CELF2: variants seen among roughly 807,000 people sequenced by gnomAD.
CELF2 encodes the protein CUGBP Elav-like family member 2.
A neutral mutation model predicts 62.6 loss-of-function variants in CELF2; 8 were observed. That is an observed-to-expected ratio of 0.13 (90% CI 0.07 to 0.23). The LOEUF (loss-of-function observed/expected upper bound fraction) is 0.23. CELF2 is among the 10% of genes least tolerant of loss of function. The pLI is 1.00. For synonymous variants in CELF2, 258 were observed against 250.0 expected (o/e 1.03, Z -0.30); for missense variants, 333 against 671.0 (o/e 0.50, Z 5.56).
Position 11,314,503 on chromosome 10 carries a change from T to G in CELF2, c.1096+245T>G. ...GTAGCACAGCGCGTGTGCTCATCCA[T>G]GGGGTTCTGTGGCTGGCAGCTCTTT... On this transcript the variant is annotated intron_variant, in intron 10 of 12. Transcript: ENST00000633077. The surrounding 1 kb of genome is among the most constrained non-coding windows in gnomAD (Gnocchi z 5.3). The G allele has an allele frequency of 1.8e-6, 1 of 541,722 alleles. No individual in the cohort carries two copies. The highest frequency in any genetic ancestry group is 3.4e-6 in the Non-Finnish European group (1 of 295,962). The allele number at this position is 541,722 out of a possible 1,614,324, so 33.6% of individuals were successfully genotyped here.
At chr10:10,749,313 CCTT>C in the CELF2 span, among the ~76,000 whole-genome samples, 5 of 152,202 alleles carry the variant, frequency 3.3e-5, no homozygotes, top group South Asian at 1.0e-3. Context: ...AGGCATATCA[CCTT>C]CTACTCCCTC....
chr10:11,131,519 A>G (rs1445776617), intron 1 of CELF2, among the ~76,000 whole-genome samples: 1 of 152,244 alleles, frequency 6.6e-6, no homozygotes, highest in African/African-American at 2.4e-5. Context: ...TGTAAGGTCC[A>G]AAGACACTAA....
the CELF2 span, among the ~76,000 whole-genome samples, chr10:10,513,822 GC>G: frequency 3.9e-5 from 6 of 152,190 alleles, no homozygotes; most frequent in African/African-American, 1.4e-4. Context: ...TGTTAGCAAA[GC>G]CTGGTTCCCT....
intron 1 of CELF2, chr10:11,030,670 T>C (rs938353379): frequency 7.9e-5 from 12 of 152,306 alleles, no homozygotes; most frequent in African/African-American, 2.9e-4. Flanking sequence ...GATTTTTTGG[T>C]GTAAACAGGT....
the CELF2 span, among the ~76,000 whole-genome samples, chr10:10,693,487 C>T: frequency 4.6e-5 from 7 of 151,880 alleles, no homozygotes; most frequent in Non-Finnish European, 1.0e-4. Context: ...TTGGCTGTGT[C>T]TCTGCCCGGC....
At chr10:10,533,330 T>A in the CELF2 span, among the ~76,000 whole-genome samples, 1 of 152,216 alleles carries the variant, frequency 6.6e-6, no homozygotes, top group Non-Finnish European at 1.5e-5. Context: ...TAGAGTCCAA[T>A]ATTCAGAGCA....
intron 1 of CELF2, among the ~76,000 whole-genome samples, chr10:10,877,515 A>C (rs964167154): frequency 4.6e-5 from 7 of 152,224 alleles, no homozygotes; most frequent in African/African-American, 1.7e-4. Flanking sequence ...AGAACATCAG[A>C]TATGCATTTA....
the CELF2 span, among the ~76,000 whole-genome samples, chr10:10,602,632 A>G: frequency 6.6e-6 from 1 of 152,180 alleles, no homozygotes; most frequent in East Asian, 1.9e-4. Context: ...TAATAAATTT[A>G]TTAAACTTTT....
At chr10:10,809,393 G>A (rs1452104161) in intron 1 of CELF2, among the ~76,000 whole-genome samples, 1 of 152,172 alleles carries the variant, frequency 6.6e-6, no homozygotes, top group Non-Finnish European at 1.5e-5. Flanking sequence ...GGTGATCTGA[G>A]CAGACTAATC....
chr10:11,290,911 C>A lies in CELF2; in HGVS notation c.976+2359C>A, dbSNP rs1200148621. Among the ~76,000 whole-genome samples, 1 of 152,120 alleles carries A rather than the reference C, an allele frequency of 6.6e-6. No individual in the cohort carries two copies. The highest frequency in any genetic ancestry group is 2.4e-5 in the African/African-American group (1 of 41,420). On this transcript the variant is annotated intron_variant, in intron 9 of 12. Coordinates refer to ENST00000633077, the MANE Select transcript of CELF2 (RefSeq NM_001326342.2). This position sits in a 1 kb window ranked among gnomAD's most constrained non-coding sequence, Gnocchi z 4.3. ...TTTTTCTTAAGTGTAACTAAAAAATCTGATGTTTAAGTGAAAGTAAATTAT... is the reference window on the plus strand; with the variant it reads ...TTTTTCTTAAGTGTAACTAAAAAATATGATGTTTAAGTGAAAGTAAATTAT...
At chr10:11,183,757 G>T (rs1008892697) in intron 2 of CELF2, among the ~76,000 whole-genome samples, 9 of 152,060 alleles carry the variant, frequency 5.9e-5, no homozygotes, top group African/African-American at 2.2e-4. Flanking sequence ...CAGATCTTTT[G>T]CTCATTTTTT....
At chr10:10,529,461 C>T in the CELF2 span, among the ~76,000 whole-genome samples, 17,144 of 151,932 alleles carry the variant, frequency 0.11, 1,077 homozygotes, top group Middle Eastern at 0.22. Flanking sequence ...CCAACGTGGG[C>T]GGATCATGAA....
Position 11,207,821 on chromosome 10 carries a change from G to A in CELF2, c.272-9604G>A, listed in dbSNP as rs1029043898. 6.6e-6 allele frequency among the ~76,000 whole-genome samples: 1 copy of A among 152,220 alleles called. No homozygotes were observed. The highest frequency in any genetic ancestry group is 1.5e-5 in the Non-Finnish European group (1 of 68,040). ...ATTGGATACGGTTTCCTTAAAAGTA[G>A]ATTTCTACAGGATGAGGCGTTCGTA... is the stretch of plus-strand genomic sequence containing the variant. On this transcript the variant is annotated intron_variant, in intron 2 of 12. Coordinates refer to ENST00000633077, the MANE Select transcript of CELF2 (RefSeq NM_001326342.2). This position sits in a 1 kb window ranked among gnomAD's most constrained non-coding sequence, Gnocchi z 4.1.
upstream of CELF2, among the ~76,000 whole-genome samples, chr10:10,796,649 A>G (rs1204764329): frequency 6.6e-6 from 1 of 152,220 alleles, no homozygotes; most frequent in Non-Finnish European, 1.5e-5. Context: ...CTATTTCATT[A>G]TAATCTTTTG....
At chr10:11,045,700 A>G (rs1414142481) in intron 1 of CELF2, among the ~76,000 whole-genome samples, 1 of 152,198 alleles carries the variant, frequency 6.6e-6, no homozygotes, top group Non-Finnish European at 1.5e-5. Flanking sequence ...TAAAATGCAA[A>G]TGTATGACCT....
the CELF2 span, among the ~76,000 whole-genome samples, chr10:10,707,469 G>C: frequency 6.6e-6 from 1 of 152,168 alleles, no homozygotes; most frequent in African/African-American, 2.4e-5. Context: ...TATTTGAATG[G>C]TGACAATGTT....
chr10:11,150,737 T>C (rs2063176391), intron 1 of CELF2, among the ~76,000 whole-genome samples: 1 of 152,224 alleles, frequency 6.6e-6, no homozygotes, highest in South Asian at 2.1e-4. Flanking sequence ...AACACTTAAA[T>C]TATAATCTGT....
rs1019189507 is a variant in CELF2, at chr10:11,270,379, G to C, written c.619-287G>C. On this transcript the variant is annotated intron_variant, in intron 6 of 12. Transcript: ENST00000633077. This position sits in a 1 kb window ranked among gnomAD's most constrained non-coding sequence, Gnocchi z 5.8. ...TGTTGTCTGTAAGGAGGTCCTGCAA[G>C]GTTGAAGGAAGACACAGGAAGAGAA... Among the ~76,000 whole-genome samples the C allele has an allele frequency of 4.6e-5, 7 of 152,152 alleles. No homozygotes were observed. The highest frequency in any genetic ancestry group is 3.3e-4 in the Admixed American group (5 of 15,280).
Position 11,329,161 on chromosome 10 carries a change from T to G in CELF2, c.*108T>G. 1 of 1,194,836 alleles carries G rather than the reference T, an allele frequency of 8.4e-7. No individual in the cohort carries two copies. The highest frequency in any genetic ancestry group is 1.8e-5 in the South Asian group (1 of 57,130). The allele number at this position is 1,194,836 out of a possible 1,614,324, so 74.0% of individuals were successfully genotyped here. ...AGAGGAGGACCACATTGCCAACTTTTACCAAGAGAGACGGTTATTTTTACA... is the reference window on the plus strand; with the variant it reads ...AGAGGAGGACCACATTGCCAACTTTGACCAAGAGAGACGGTTATTTTTACA... On this transcript the variant is annotated 3_prime_UTR_variant, in exon 13 of 13. Transcript: ENST00000633077. The surrounding 1 kb of genome is among the most constrained non-coding windows in gnomAD (Gnocchi z 5.5).
Sources: gnomAD v4.1 joint callset for allele counts (sites outside exome capture counted in the v4.1 genomes callset) on GRCh38, gnomAD v4.1.1 for gene constraint, Gnocchi (gnomAD v3.1) non-coding constraint, MANE v1.5 for transcripts, NCBI Gene and HGNC (gene_info 2026-07-23, HGNC 2026-07-21) for gene names.